RIN3: variants seen among roughly 807,000 people sequenced by gnomAD.
RIN3 encodes RAB5 interacting protein 3.
RIN3 carries 54 observed loss-of-function variants against 76.3 expected under a neutral mutation model. The observed-to-expected ratio is 0.71, with a 90% CI of 0.57 to 0.89. RIN3 has a LOEUF of 0.89. RIN3 is among the 40% of genes least tolerant of loss of function. The pLI is 0.00. For synonymous variants in RIN3, 576 were observed against 564.0 expected (o/e 1.02, Z -0.30); for missense variants, 1,256 against 1,322.1 (o/e 0.95, Z 0.78).
intron 3 of RIN3, among the ~76,000 whole-genome samples, chr14:92,597,573 A>G (rs781516685): frequency 2.0e-5 from 3 of 152,184 alleles, no homozygotes; most frequent in Admixed American, 1.3e-4. Context: ...CTTCAATCTC[A>G]GTTTCCTCAT....
chr14:92,569,969 T>C (rs1003672064), intron 2 of RIN3, among the ~76,000 whole-genome samples: 3 of 152,206 alleles, frequency 2.0e-5, no homozygotes, highest in African/African-American at 7.2e-5. Context: ...TTGGGTGGCA[T>C]TCGCAGTAAT....
At chr14:92,629,044 G>A (rs1886460270) in intron 4 of RIN3, among the ~76,000 whole-genome samples, 1 of 152,084 alleles carries the variant, frequency 6.6e-6, no homozygotes, top group Non-Finnish European at 1.5e-5. Flanking sequence ...TAGTTTCACT[G>A]GCCACGGCCA....
chr14:92,599,195 G>A (rs1885256410), intron 3 of RIN3, among the ~76,000 whole-genome samples: 1 of 152,218 alleles, frequency 6.6e-6, no homozygotes, highest in East Asian at 1.9e-4. Context: ...AGGACATTAA[G>A]TGTGGGGGCA....
intron 6 of RIN3, 88 bp from the exon 7 acceptor site, chr14:92,659,073 G>A: frequency 7.8e-7 from 1 of 1,286,954 alleles, no homozygotes; most frequent in South Asian, 1.3e-5. Flanking sequence ...GCCAGGGGAT[G>A]GGGATGGCTG....
intron 6 of RIN3, among the ~76,000 whole-genome samples, chr14:92,655,777 G>A (rs1887645272): frequency 6.6e-6 from 1 of 152,266 alleles, no homozygotes; most frequent in Non-Finnish European, 1.5e-5. Flanking sequence ...TGCAGGAGTG[G>A]TAGAGGGGAG....
chr14:92,686,025 G>T (rs1011804682), intron 9 of RIN3: 1 of 152,496 alleles, frequency 6.6e-6, no homozygotes, highest in Non-Finnish European at 1.5e-5. Flanking sequence ...CCAAGCCCAG[G>T]GCCTGGGACA....
At chr14:92,632,879 G>T (rs1024439275) in intron 4 of RIN3, among the ~76,000 whole-genome samples, 1 of 152,198 alleles carries the variant, frequency 6.6e-6, no homozygotes, top group Non-Finnish European at 1.5e-5. Flanking sequence ...GGGCAGAACC[G>T]CATAATGGGT....
At chr14:92,654,422 A>G (rs539286724) in intron 6 of RIN3, among the ~76,000 whole-genome samples, 3 of 152,306 alleles carry the variant, frequency 2.0e-5, no homozygotes, top group Admixed American at 1.3e-4. Context: ...TAGTTTGTAA[A>G]TAGTTACTGC....
At chr14:92,684,127 C>A (rs1284478578) in intron 8 of RIN3, among the ~76,000 whole-genome samples, 4 of 152,116 alleles carry the variant, frequency 2.6e-5, no homozygotes, top group African/African-American at 9.7e-5. Context: ...TGTCAGTAAT[C>A]CCAGCACTTT....
intron 7 of RIN3, among the ~76,000 whole-genome samples, chr14:92,663,670 G>C (rs1001446809): frequency 6.6e-6 from 1 of 152,208 alleles, no homozygotes; most frequent in African/African-American, 2.4e-5. Context: ...CAGAGCCTCA[G>C]CATCTTCACC....
intron 2 of RIN3, among the ~76,000 whole-genome samples, chr14:92,566,382 G>T (rs1897916604): frequency 1.3e-5 from 2 of 152,198 alleles, no homozygotes; most frequent in Non-Finnish European, 2.9e-5. Flanking sequence ...GAGGTCACAG[G>T]CAAATGGCTT....
chr14:92,532,085 T>C (rs1896896163), intron 1 of RIN3, among the ~76,000 whole-genome samples: 3 of 152,054 alleles, frequency 2.0e-5, no homozygotes, highest in Non-Finnish European at 4.4e-5. Context: ...CATGCCAGCA[T>C]GCCAGGCTCA....
chr14:92,655,882 T>G (rs1887648061), intron 6 of RIN3, among the ~76,000 whole-genome samples: 1 of 152,078 alleles, frequency 6.6e-6, no homozygotes. Context: ...GTTTGGGACA[T>G]GACACTGGAG....
chr14:92,617,605 T>G (rs1886019452), intron 4 of RIN3, among the ~76,000 whole-genome samples: 1 of 152,204 alleles, frequency 6.6e-6, no homozygotes. Context: ...ACTATCACTA[T>G]GACTATTGGG....
intron 2 of RIN3, among the ~76,000 whole-genome samples, chr14:92,561,143 ATTTT>A (rs1453590063): frequency 0.014 from 660 of 48,114 alleles, 9 homozygotes; most frequent in African/African-American, 0.039. Context: ...ATTTATATAT[ATTTT>A]TATATATATA....
intron 3 of RIN3, among the ~76,000 whole-genome samples, chr14:92,588,943 G>A (rs938163856): frequency 2.0e-5 from 3 of 152,228 alleles, no homozygotes; most frequent in African/African-American, 7.2e-5. Context: ...ATGAAGTGTA[G>A]GAGTTAGTTT....
chr14:92,524,057 G>A lies in RIN3; in HGVS notation c.44+10081G>A, dbSNP rs1896663888. Among the ~76,000 whole-genome samples, 3 of 152,148 alleles carry A rather than the reference G, an allele frequency of 2.0e-5. 1 individual carries two copies. Among genetic ancestry groups the A allele is most frequent in the South Asian group, 4.1e-4 (2 of 4,828 alleles). On this transcript the variant is annotated intron_variant, in intron 1 of 9. Coordinates refer to ENST00000216487, the MANE Select transcript of RIN3 (RefSeq NM_024832.5). ...AAAATTTTATAAATGAGCTGGGCATGGTGGTGTGCACTTGTAGTCACAGCT... is the reference window on the plus strand; with the variant it reads ...AAAATTTTATAAATGAGCTGGGCATAGTGGTGTGCACTTGTAGTCACAGCT...
At chr14:92,544,846 A>C (rs1040546139) in intron 1 of RIN3, among the ~76,000 whole-genome samples, 1 of 152,148 alleles carries the variant, frequency 6.6e-6, no homozygotes, top group Non-Finnish European at 1.5e-5. Flanking sequence ...TTGGTTTAAT[A>C]AATAAATCAT....
At chr14:92,519,416 G>A (rs1380202865) in intron 1 of RIN3, among the ~76,000 whole-genome samples, 7 of 152,220 alleles carry the variant, frequency 4.6e-5, no homozygotes, top group African/African-American at 7.2e-5. Context: ...TTTCTCAGGC[G>A]GGGAGCCCTG....
Sources: allele counts gnomAD v4.1 joint callset (sites outside exome capture counted in the v4.1 genomes callset), GRCh38; gene constraint gnomAD v4.1.1; transcripts MANE v1.5; gene names NCBI Gene and HGNC (gene_info 2026-07-23, HGNC 2026-07-21).